Variants in GTF3C4 observed in about 807,000 individuals in gnomAD.
GTF3C4 encodes the protein general transcription factor IIIC subunit 4, also known as general transcription factor 3C polypeptide 4.
Under a neutral mutation model 67.5 loss-of-function variants are expected in GTF3C4, and 28 were observed. The observed-to-expected ratio is 0.41, with a 90% CI of 0.31 to 0.57. The LOEUF (loss-of-function observed/expected upper bound fraction) is 0.57. Ranked by LOEUF, GTF3C4 falls within the 20% of genes least tolerant of loss-of-function variation. The probability of loss-of-function intolerance (pLI) is 0.21; values close to 1 mark genes in which losing one functional copy is unlikely to be tolerated. For synonymous variants in GTF3C4, 409 were observed against 393.0 expected (o/e 1.04, Z -0.48); for missense variants, 831 against 1,033.2 (o/e 0.80, Z 2.68).
At chr9:132,686,679 C>T (rs1380068754) in intron 3 of GTF3C4, among the ~76,000 whole-genome samples, 3 of 152,102 alleles carry the variant, frequency 2.0e-5, no homozygotes, top group Admixed American at 2.0e-4. Context: ...TTAATTTTGC[C>T]TTCGATATTC....
At chr9:132,672,483 T>C (rs1342264010) in intron 1 of GTF3C4, among the ~76,000 whole-genome samples, 1 of 151,718 alleles carries the variant, frequency 6.6e-6, no homozygotes, top group Non-Finnish European at 1.5e-5. Context: ...CCCATGTGCA[T>C]ACACGTTTAA....
At position 132,671,941 on chromosome 9, in the gene GTF3C4, T is replaced by C. The variant is rs370259390; in HGVS notation, c.357+986T>C. On this transcript the variant is annotated intron_variant, in intron 1 of 4. Transcript: ENST00000372146. Reference sequence around the variant, plus strand: ...ACATGTTTATGTGTTCGTAAACTCTTATTTTGGAAAACCATTGAAAATATG... The same window carrying C: ...ACATGTTTATGTGTTCGTAAACTCTCATTTTGGAAAACCATTGAAAATATG... Among the ~76,000 whole-genome samples the C allele has an allele frequency of 2.6e-5, 4 of 152,346 alleles. No individual in the cohort carries two copies. The East Asian group carries it at 7.7e-4, about 29-fold the overall frequency.
chr9:132,670,401 T>G, upstream of GTF3C4: 2 of 1,112,728 alleles, frequency 1.8e-6, no homozygotes, highest in Admixed American at 3.7e-5. Context: ...CTGTCCTTTT[T>G]CTGGACAGGC....
chr9:132,686,383 T>C (rs567423), intron 3 of GTF3C4, among the ~76,000 whole-genome samples: 72,370 of 151,846 alleles, frequency 0.48, 17,990 homozygotes, highest in African/African-American at 0.61. Flanking sequence ...TCCTAGATAT[T>C]CAGTTCTTTA....
In GTF3C4 at chr9:132,690,572, TTC is replaced by T. The variant is rs1406100307; in HGVS notation, c.*1629_*1630del. 1 of 151,698 alleles carries T rather than the reference TTC, an allele frequency of 6.6e-6. No homozygotes were observed. The allele number at this position is 151,698 out of a possible 1,614,324, so 9.4% of individuals were successfully genotyped here. A position where few individuals can be genotyped will look rare whatever the true frequency, so the allele number is the denominator to read the frequency against. On this transcript the variant is annotated 3_prime_UTR_variant, in exon 5 of 5. Coordinates refer to ENST00000372146, the MANE Select transcript of GTF3C4 (RefSeq NM_012204.4). ...TCTAAACAGTCTGCTCAGAAATGTT[TTC>T]TGTTTCCTATTCAAATTGCTGTTTT...
rs577446755 is a variant in GTF3C4 at position 132,687,089 on chromosome 9, G to A, written c.2316-150G>A. 3.3e-4 allele frequency: 230 copies of A among 700,730 alleles called. 3 individuals carry two copies. In the African/African-American group the frequency reaches 3.7e-3, roughly 11 times the overall value. 43.4% of individuals were successfully genotyped at this position (700,730 alleles called of 1,614,324 possible). A position where few individuals can be genotyped will look rare whatever the true frequency, so the allele number is the denominator to read the frequency against. ...GTTTGGCCAGCTTTGGTGCACAGGG[G>A]GATGCATTGTTATGTGAATGTATGA... On this transcript the variant is annotated intron_variant, in intron 3 of 4. Transcript: ENST00000372146.
In GTF3C4 at chr9:132,688,843, G is replaced by A. The variant is rs372809039; in HGVS notation, c.2405-38G>A. On this transcript the variant is annotated intron_variant, in intron 4 of 4. Transcript: ENST00000372146. ...TTCATCCCTTTTGACTGTCTTTTCC[G>A]AAGCTAACAGTTGATACCACTTGTC... is the stretch of plus-strand genomic sequence containing the variant. 8 of 1,504,072 alleles carry A rather than the reference G, an allele frequency of 5.3e-6. No homozygotes were observed. The African/African-American group carries it at 6.9e-5, about 13-fold the overall frequency. 93.2% of individuals were successfully genotyped at this position (1,504,072 alleles called of 1,614,324 possible).
intron 3 of GTF3C4, 143 bp from the exon 4 acceptor site, chr9:132,687,096 T>G: frequency 7.1e-6 from 5 of 703,030 alleles, no homozygotes; most frequent in Non-Finnish European, 1.1e-5. Flanking sequence ...GGGGGATGCA[T>G]TGTTATGTGA....
At position 132,691,481 on chromosome 9, in the gene GTF3C4, T is replaced by A. The variant is rs1163683472; in HGVS notation, c.*2536T>A. 6.6e-6 allele frequency: 1 copy of A among 152,228 alleles called. No homozygotes were observed. Among genetic ancestry groups the A allele is most frequent in the Non-Finnish European group, 1.5e-5 (1 of 68,036 alleles). 9.4% of individuals were successfully genotyped at this position (152,228 alleles called of 1,614,324 possible). A position where few individuals can be genotyped will look rare whatever the true frequency, so the allele number is the denominator to read the frequency against. ...GGAACTGGAGAAATAGTGGAAGTGC[T>A]ATTGCCGCGCTGCATGTAAAGCACA... On this transcript the variant is annotated 3_prime_UTR_variant, in exon 5 of 5. Coordinates refer to ENST00000372146, the MANE Select transcript of GTF3C4 (RefSeq NM_012204.4).
chr9:132,678,751 C>T lies in GTF3C4; in HGVS notation c.1132C>T (p.Pro378Ser), dbSNP rs1053550791. 1 of 1,613,788 alleles carries T rather than the reference C, an allele frequency of 6.2e-7. No individual in the cohort carries two copies. The highest frequency in any genetic ancestry group is 8.5e-7 in the Non-Finnish European group (1 of 1,179,800). ...ACCTGTGCACAGTATCAAATGTGTG[C>T]CACTTTATCATCCTTACCAGAAGTG... ...QLPVHSIKCV[P>S]LYHPYQKCSC... The change falls in exon 2 of 5, where the codon CCA (proline) becomes TCA (serine). Residue 378 changes from proline (P) to serine (S), a missense_variant. Physicochemically the swap from Pro to Ser is moderately conservative, Grantham distance 74. This residue lies in a region of GTF3C4 where 390 missense variants were observed against 540.3 expected (regional missense o/e 0.72). Transcript: ENST00000372146. The surrounding 1 kb of genome is among the most constrained non-coding windows in gnomAD (Gnocchi z 6.5).
At chr9:132,683,012 G>A (rs1835969709) in intron 2 of GTF3C4, among the ~76,000 whole-genome samples, 2 of 152,180 alleles carry the variant, frequency 1.3e-5, no homozygotes, top group South Asian at 4.1e-4. Context: ...CGTGGGTCTT[G>A]CCATGCCTCT....
intron 1 of GTF3C4, among the ~76,000 whole-genome samples, chr9:132,675,149 T>C (rs960702850): frequency 7.9e-5 from 12 of 152,228 alleles, no homozygotes; most frequent in Non-Finnish European, 1.5e-4. Flanking sequence ...TTCTGGGACA[T>C]GTATTAGTCT....
At chr9:132,685,340 G>C (rs1836009679) in intron 3 of GTF3C4, among the ~76,000 whole-genome samples, 1 of 152,062 alleles carries the variant, frequency 6.6e-6, no homozygotes, top group Non-Finnish European at 1.5e-5. Flanking sequence ...ACAAGATTGT[G>C]CTACACGTAC....
intron 2 of GTF3C4, among the ~76,000 whole-genome samples, chr9:132,681,288 C>T (rs886879326): frequency 2.6e-5 from 4 of 152,144 alleles, no homozygotes; most frequent in Non-Finnish European, 5.9e-5. Flanking sequence ...TCCAGATACT[C>T]CATGAGCCTG....
At chr9:132,686,255 T>C (rs1836025633) in intron 3 of GTF3C4, among the ~76,000 whole-genome samples, 1 of 152,238 alleles carries the variant, frequency 6.6e-6, no homozygotes, top group African/African-American at 2.4e-5. Context: ...GTCTCCTAGA[T>C]GGGTTCTTTC....
chr9:132,689,155 CAG>C lies in GTF3C4; in HGVS notation c.*215_*216del, dbSNP rs1164854130. On this transcript the variant is annotated 3_prime_UTR_variant, in exon 5 of 5. Coordinates refer to ENST00000372146, the MANE Select transcript of GTF3C4 (RefSeq NM_012204.4). ...GGATGTCCTTTGAAATGGCTGGACT[CAG>C]AGAGTTGGAGTCGTTTTGAGATGAG... 1 of 558,654 alleles carries C rather than the reference CAG, an allele frequency of 1.8e-6. No individual in the cohort carries two copies. The highest frequency in any genetic ancestry group is 3.0e-5 in the Admixed American group (1 of 33,098). 34.6% of individuals were successfully genotyped at this position (558,654 alleles called of 1,614,324 possible). A position where few individuals can be genotyped will look rare whatever the true frequency, so the allele number is the denominator to read the frequency against.
intron 1 of GTF3C4, among the ~76,000 whole-genome samples, chr9:132,676,016 A>G (rs1835860051): frequency 6.9e-6 from 1 of 143,988 alleles, no homozygotes; most frequent in Admixed American, 7.5e-5. Flanking sequence ...CTCCTTCCTC[A>G]GCCTCCTGAG....
In GTF3C4 at chr9:132,693,736, C is replaced by T. The variant is rs1836154764; in HGVS notation, c.*4791C>T. 6.6e-6 allele frequency: 1 copy of T among 152,018 alleles called. No individual in the cohort carries two copies. Among genetic ancestry groups the T allele is most frequent in the South Asian group, 2.1e-4 (1 of 4,828 alleles). The allele number at this position is 152,018 out of a possible 1,614,324, so 9.4% of individuals were successfully genotyped here. On this transcript the variant is annotated 3_prime_UTR_variant, in exon 5 of 5. Coordinates refer to ENST00000372146, the MANE Select transcript of GTF3C4 (RefSeq NM_012204.4). ...AGGCATTTCATACTTTACCAGTTTA[C>T]ATTTGGCTAGCAGACTGGTAAGGTT...
At position 132,670,888 on chromosome 9, in the gene GTF3C4, A is replaced by G. The variant is rs1008810586; in HGVS notation, c.290A>G (p.Asn97Ser). The G allele has an allele frequency of 9.9e-6, 16 of 1,612,414 alleles. No individual in the cohort carries two copies. The highest frequency in any genetic ancestry group is 2.2e-5 in the East Asian group (1 of 44,862). ...AVLELICDVH[N>S]PGQDLVIHRT... ...CTGGAGCTCATCTGCGACGTGCACAACCCGGGCCAGGACCTGGTTATCCAC... is the reference window on the plus strand; with the variant it reads ...CTGGAGCTCATCTGCGACGTGCACAGCCCGGGCCAGGACCTGGTTATCCAC... Residue 97 changes from asparagine (N) to serine (S), a missense_variant, in exon 1 of 5, where the codon AAC becomes AGC. Physicochemically the swap from Asn to Ser is conservative, Grantham distance 46. This residue lies in a region of GTF3C4 where 237 missense variants were observed against 212.7 expected (regional missense o/e 1.11). Transcript: ENST00000372146.
Sources: allele counts gnomAD v4.1 joint callset (sites outside exome capture counted in the v4.1 genomes callset), GRCh38; gene constraint gnomAD v4.1.1; regional missense constraint gnomAD v4.1.1; non-coding constraint Gnocchi (gnomAD v3.1); transcripts MANE v1.5; gene names NCBI Gene and HGNC (gene_info 2026-07-23, HGNC 2026-07-21).